Variants in BCAS4 observed in about 807,000 individuals in gnomAD.
BCAS4 encodes breast carcinoma-amplified sequence 4.
BCAS4 carries 9 observed loss-of-function variants against 15.7 expected under a neutral mutation model. The observed-to-expected ratio is 0.57, with a 90% CI of 0.34 to 1.00. BCAS4 has a LOEUF of 1.00. BCAS4 is among the 50% of genes least tolerant of loss of function. The pLI, the probability that BCAS4 is intolerant of heterozygous loss-of-function variation, is 0.02. For synonymous variants in BCAS4, 101 were observed against 99.5 expected, an observed-to-expected ratio of 1.02 and a Z score of -0.09; for missense variants, 225 against 239.1, an observed-to-expected ratio of 0.94 and a Z score of 0.39.
intron 4 of BCAS4, among the ~76,000 whole-genome samples, chr20:50,867,556 C>G (rs183696434): frequency 1.3e-5 from 2 of 151,890 alleles, no homozygotes; most frequent in African/African-American, 4.8e-5. Context: ...TGGGGTCTCC[C>G]TGTGTTGCCC....
At chr20:50,805,573 A>G (rs1272094686) in intron 1 of BCAS4, among the ~76,000 whole-genome samples, 1 of 152,188 alleles carries the variant, frequency 6.6e-6, no homozygotes, top group Non-Finnish European at 1.5e-5. Context: ...TGTTTGCTAC[A>G]GTCTCCACCC....
chr20:50,857,377 T>C (rs1978819798), intron 4 of BCAS4, among the ~76,000 whole-genome samples: 1 of 152,226 alleles, frequency 6.6e-6, no homozygotes, highest in South Asian at 2.1e-4. Flanking sequence ...GTGATCCGCC[T>C]GCCTCAGCCT....
chr20:50,854,881 G>A (rs560059548), intron 4 of BCAS4, among the ~76,000 whole-genome samples: 30 of 152,316 alleles, frequency 2.0e-4, no homozygotes, highest in African/African-American at 7.2e-4. Flanking sequence ...CGCTGATGTC[G>A]GCCACCATGG....
chr20:50,871,735 G>A (rs1254734297), intron 4 of BCAS4, among the ~76,000 whole-genome samples: 1 of 152,214 alleles, frequency 6.6e-6, no homozygotes, highest in Non-Finnish European at 1.5e-5. Context: ...CCCTGGTGGG[G>A]TGGCAGGAGT....
intron 4 of BCAS4, 35 bp from the exon 5 acceptor site, chr20:50,876,451 A>G (rs1217546206): frequency 1.9e-6 from 3 of 1,608,662 alleles, no homozygotes; most frequent in Admixed American, 3.4e-5. Flanking sequence ...AGTGGATCCA[A>G]ATCGCTGATA....
rs181069689 is a variant in BCAS4, at chr20:50,866,787, C to T, written c.400-9699C>T. 1.8e-3 allele frequency among the ~76,000 whole-genome samples: 281 copies of T among 152,298 alleles called. 2 individuals are homozygous for T. The highest frequency in any genetic ancestry group is 3.8e-3 in the Admixed American group (58 of 15,282). On this transcript the variant is annotated intron_variant, in intron 4 of 4. Transcript: ENST00000371608. ...GAGCTGGGCAGGCCTGGGGTCAAACCCTAGCTCTGCCAATTCCCAGCTGAG... is the reference window on the plus strand; with the variant it reads ...GAGCTGGGCAGGCCTGGGGTCAAACTCTAGCTCTGCCAATTCCCAGCTGAG...
At chr20:50,834,745 A>T (rs1013340899) in intron 3 of BCAS4, among the ~76,000 whole-genome samples, 1 of 152,158 alleles carries the variant, frequency 6.6e-6, no homozygotes, top group Admixed American at 6.5e-5. Context: ...GCAACCACTC[A>T]TCTACTTTCT....
chr20:50,836,658 G>T (rs1172042489), intron 3 of BCAS4, among the ~76,000 whole-genome samples: 3 of 152,188 alleles, frequency 2.0e-5, no homozygotes, highest in Non-Finnish European at 4.4e-5. Context: ...GACCTGCCAG[G>T]TGAGAGCTTG....
At chr20:50,873,105 G>A (rs1038362498) in intron 4 of BCAS4, among the ~76,000 whole-genome samples, 4 of 152,206 alleles carry the variant, frequency 2.6e-5, no homozygotes, top group African/African-American at 9.7e-5. Flanking sequence ...ATTGTTGGGG[G>A]TTTCTTACAT....
At chr20:50,813,325 T>C (rs2088095256) in intron 1 of BCAS4, among the ~76,000 whole-genome samples, 1 of 152,086 alleles carries the variant, frequency 6.6e-6, no homozygotes, top group African/African-American at 2.4e-5. Flanking sequence ...TGCAAAGTGG[T>C]ACAGTGGAGG....
intron 4 of BCAS4, among the ~76,000 whole-genome samples, chr20:50,864,461 C>G (rs1979254834): frequency 7.6e-6 from 1 of 131,656 alleles, no homozygotes. Flanking sequence ...TTTTTTTTGA[C>G]AGAGTCTCTC....
At chr20:50,838,131 A>T (rs1021852924) in intron 3 of BCAS4, among the ~76,000 whole-genome samples, 2 of 152,176 alleles carry the variant, frequency 1.3e-5, no homozygotes, top group Admixed American at 6.5e-5. Context: ...TTTGCTAAGG[A>T]TACACTCACT....
intron 1 of BCAS4, among the ~76,000 whole-genome samples, chr20:50,815,207 C>T (rs566127678): frequency 6.6e-6 from 1 of 152,134 alleles, no homozygotes; most frequent in Non-Finnish European, 1.5e-5. Flanking sequence ...GTGACCACGC[C>T]GTGCCCTTCC....
chr20:50,806,437 A>G (rs1196764098), intron 1 of BCAS4, among the ~76,000 whole-genome samples: 2 of 152,144 alleles, frequency 1.3e-5, no homozygotes. Context: ...TTGATTACCA[A>G]TCACTGGATA....
intron 2 of BCAS4, among the ~76,000 whole-genome samples, chr20:50,821,229 T>A (rs2088212298): frequency 6.6e-6 from 1 of 152,178 alleles, no homozygotes; most frequent in South Asian, 2.1e-4. Flanking sequence ...ACCAAGAGGA[T>A]CCCATGTTCC....
At chr20:50,861,669 T>C (rs1424571505) in intron 4 of BCAS4, among the ~76,000 whole-genome samples, 2 of 152,062 alleles carry the variant, frequency 1.3e-5, no homozygotes, top group Non-Finnish European at 2.9e-5. Flanking sequence ...TTGGAGCGAC[T>C]ACCCCAGCTC....
chr20:50,837,611 G>T (rs1188192389), intron 3 of BCAS4, among the ~76,000 whole-genome samples: 1 of 152,248 alleles, frequency 6.6e-6, no homozygotes, highest in East Asian at 1.9e-4. Flanking sequence ...GGGCCCTCTC[G>T]CTCACCTGCA....
intron 4 of BCAS4, 96 bp downstream of exon 4, chr20:50,841,996 G>T: frequency 7.1e-7 from 1 of 1,406,084 alleles, no homozygotes; most frequent in Admixed American, 2.8e-5. Flanking sequence ...CAGAGTTCAG[G>T]GGGGCACATT....
chr20:50,837,430 A>G (rs1600873550), intron 3 of BCAS4, among the ~76,000 whole-genome samples: 1 of 152,130 alleles, frequency 6.6e-6, no homozygotes, highest in South Asian at 2.1e-4. Flanking sequence ...TCCAGGGGGG[A>G]AAATGTGTTC....
Sources: allele counts gnomAD v4.1 joint callset (sites outside exome capture counted in the v4.1 genomes callset), GRCh38; gene constraint gnomAD v4.1.1; transcripts MANE v1.5; gene names NCBI Gene and HGNC (gene_info 2026-07-23, HGNC 2026-07-21).